SLC44A5: variants seen among roughly 807,000 people sequenced by gnomAD.
SLC44A5 encodes the protein solute carrier family 44 member 5.
SLC44A5 carries 57 observed loss-of-function variants against 101.8 expected under a neutral mutation model. The ratio of observed to expected loss-of-function variants is 0.56; its 90% CI spans 0.45 to 0.70. The LOEUF is 0.70. Ranked by LOEUF, SLC44A5 falls within the 30% of genes least tolerant of loss-of-function variation. The pLI, the probability that SLC44A5 is intolerant of heterozygous loss-of-function variation, is 0.00. For synonymous variants in SLC44A5, 281 were observed against 290.9 expected (o/e 0.97, Z 0.35); for missense variants, 737 against 853.1 (o/e 0.86, Z 1.70).
At chr1:75,719,767 A>T in the SLC44A5 span, among the ~76,000 whole-genome samples, 2 of 152,200 alleles carry the variant, frequency 1.3e-5, no homozygotes, top group African/African-American at 2.4e-5. Flanking sequence ...AACTAAAGTC[A>T]TAGTATTCTG....
chr1:75,283,746 A>C (rs1652811771), intron 5 of SLC44A5, among the ~76,000 whole-genome samples: 1 of 147,994 alleles, frequency 6.8e-6, no homozygotes, highest in African/African-American at 2.4e-5. Context: ...CCATTTGTTG[A>C]GCAGGATTTC....
intron 13 of SLC44A5, among the ~76,000 whole-genome samples, chr1:75,226,379 C>A (rs755125260): frequency 4.6e-5 from 7 of 152,060 alleles, no homozygotes; most frequent in Non-Finnish European, 8.8e-5. Context: ...AGCCCCTTTG[C>A]TAAAATAGCT....
At chr1:75,591,806 G>C (rs1674369995) in intron 1 of SLC44A5, among the ~76,000 whole-genome samples, 1 of 148,802 alleles carries the variant, frequency 6.7e-6, no homozygotes, top group South Asian at 2.1e-4. Context: ...TGCTGAAAAA[G>C]CATTTTATAA....
At chr1:75,523,662 A>G (rs370551699) in intron 2 of SLC44A5, among the ~76,000 whole-genome samples, 7 of 152,210 alleles carry the variant, frequency 4.6e-5, no homozygotes, top group South Asian at 4.1e-4. Context: ...CTTAAGACAA[A>G]TAAGCTAGAT....
intron 7 of SLC44A5, 147 bp from the exon 8 acceptor site, chr1:75,243,158 T>C: frequency 9.6e-7 from 1 of 1,039,176 alleles, no homozygotes; most frequent in Non-Finnish European, 1.3e-6. Flanking sequence ...CCTTGCTCTC[T>C]CTCTTTTTCT....
rs1648668055 is a variant in SLC44A5, at chr1:75,241,938, G to A, written c.532+63C>T. 2.2e-6 allele frequency: 3 copies of A among 1,387,126 alleles called. No individual in the cohort carries two copies. In the African/African-American group the frequency reaches 4.3e-5, roughly 20 times the overall value. 85.9% of individuals were successfully genotyped at this position (1,387,126 alleles called of 1,614,324 possible). On this transcript the variant is annotated intron_variant, in intron 9 of 23. Coordinates refer to ENST00000370859, the MANE Select transcript of SLC44A5 (RefSeq NM_001130058.2). ...CAGTCTCATCAATTGTGAAATACGG[G>A]AACTTAATTAAGTAGCATTTTGGTA... is the stretch of plus-strand genomic sequence containing the variant.
the SLC44A5 span, among the ~76,000 whole-genome samples, chr1:75,686,337 C>A: frequency 2.6e-5 from 4 of 151,978 alleles, no homozygotes; most frequent in Non-Finnish European, 5.9e-5. Context: ...GTGGGGAATG[C>A]TAAAAAATAA....
intron 2 of SLC44A5, among the ~76,000 whole-genome samples, chr1:75,436,259 AT>A (rs1557781741): frequency 6.6e-6 from 1 of 152,102 alleles, no homozygotes; most frequent in Non-Finnish European, 1.5e-5. Context: ...ATCACGATGA[AT>A]TTAAGTAATA....
intron 1 of SLC44A5, among the ~76,000 whole-genome samples, chr1:75,555,317 G>T (rs908457596): frequency 1.3e-4 from 20 of 152,116 alleles, no homozygotes; most frequent in Admixed American, 1.0e-3. Context: ...GAGCTTTTTA[G>T]GGAGATGAAA....
intron 3 of SLC44A5, among the ~76,000 whole-genome samples, chr1:75,385,587 A>G (rs184574849): frequency 6.4e-4 from 98 of 152,228 alleles, no homozygotes; most frequent in Non-Finnish European, 1.2e-3. Flanking sequence ...ACCAAAAAGA[A>G]TCCAGGACCA....
At chr1:75,397,772 G>T (rs1389166676) in intron 2 of SLC44A5, among the ~76,000 whole-genome samples, 1 of 152,034 alleles carries the variant, frequency 6.6e-6, no homozygotes, top group Non-Finnish European at 1.5e-5. Flanking sequence ...TTCAAACTTA[G>T]GTCTGTGTGC....
At chr1:75,391,804 T>C (rs531788499) in intron 3 of SLC44A5, among the ~76,000 whole-genome samples, 6 of 152,276 alleles carry the variant, frequency 3.9e-5, no homozygotes, top group Admixed American at 3.9e-4. Flanking sequence ...CTTCTAGACA[T>C]TGGTCTTGGC....
chr1:75,411,250 G>T lies in SLC44A5; in HGVS notation c.14-14629C>A, dbSNP rs1477912455. Among the ~76,000 whole-genome samples, 3 of 152,190 alleles carry T rather than the reference G, an allele frequency of 2.0e-5. No homozygotes were observed. The East Asian group carries it at 5.8e-4, about 29-fold the overall frequency. ...ATTTAGAGAGTTGAGAAGGAAGAAA[G>T]GGGTCTCAAGTCCAATGAGGCAGGA... On this transcript the variant is annotated intron_variant, in intron 2 of 23. Transcript: ENST00000370859.
intron 2 of SLC44A5, among the ~76,000 whole-genome samples, chr1:75,540,231 G>A (rs1417979342): frequency 6.6e-6 from 1 of 152,152 alleles, no homozygotes; most frequent in Non-Finnish European, 1.5e-5. Flanking sequence ...CCTTACCTCA[G>A]TCTGTAAGAT....
chr1:75,696,972 A>G, the SLC44A5 span, among the ~76,000 whole-genome samples: 1 of 151,976 alleles, frequency 6.6e-6, no homozygotes, highest in African/African-American at 2.4e-5. Flanking sequence ...TGAAAATGAG[A>G]GACGAAAAGG....
At chr1:75,374,759 T>C (rs566709623) in intron 3 of SLC44A5, among the ~76,000 whole-genome samples, 104 of 152,242 alleles carry the variant, frequency 6.8e-4, no homozygotes, top group Non-Finnish European at 1.3e-3. Context: ...ACTGAGGAAC[T>C]CTACACAGCC....
intron 2 of SLC44A5, among the ~76,000 whole-genome samples, chr1:75,502,694 T>TCCCTCCC (rs1428427275): frequency 2.4e-5 from 3 of 127,284 alleles, no homozygotes; most frequent in African/African-American, 8.9e-5. Flanking sequence ...CCTAATGCTA[T>TCCCTCCC]CCCTCCCCCC....
chr1:75,326,101 T>C (rs1168804853), intron 4 of SLC44A5, among the ~76,000 whole-genome samples: 3 of 131,870 alleles, frequency 2.3e-5, no homozygotes, highest in Admixed American at 7.1e-5. Flanking sequence ...TCTCCGTGTG[T>C]GTGTGTGTGT....
intron 13 of SLC44A5, 115 bp from the exon 14 acceptor site, chr1:75,222,575 T>C: frequency 1.6e-6 from 1 of 627,938 alleles, no homozygotes; most frequent in Admixed American, 2.6e-5. Context: ...TGACACCTCA[T>C]AATCTAAGAA....
Sources: allele counts gnomAD v4.1 joint callset (sites outside exome capture counted in the v4.1 genomes callset), GRCh38; gene constraint gnomAD v4.1.1; transcripts MANE v1.5; gene names NCBI Gene and HGNC (gene_info 2026-07-23, HGNC 2026-07-21).